The following HOOK1 variants were observed in gnomAD, a reference collection of about 807,000 sequenced individuals.
The protein encoded by HOOK1 is protein Hook homolog 1.
In HOOK1, 60 loss-of-function variants were observed where a neutral mutation model predicts 112.8. The observed-to-expected ratio is 0.53, with a 90% CI of 0.43 to 0.66. The LOEUF is 0.66. Ranked by LOEUF, HOOK1 falls within the 30% of genes least tolerant of loss-of-function variation. HOOK1 has a pLI of 0.00. For missense variants in HOOK1, 770 were observed against 856.0 expected (o/e 0.90, Z 1.25); for synonymous variants, 294 against 283.8 (o/e 1.04, Z -0.36).
chr1:59,843,466 T>C lies in HOOK1; in HGVS notation c.656T>C (p.Val219Ala). ...TTLQDEKNSL[V>A]SENEMMNEKL... is the part of the protein sequence containing the mutation. ...CTTCAAGATGAAAAGAATTCACTGG[T>C]TTCTGAAAATGAGATGATGAATGAA... Residue 219 changes from valine (V) to alanine (A), a missense_variant, in exon 9 of 22, where the codon GTT (valine) becomes GCT (alanine). This residue lies in a region of HOOK1 where 655 missense variants were observed against 725.9 expected (regional missense o/e 0.90). Coordinates refer to ENST00000371208, the MANE Select transcript of HOOK1 (RefSeq NM_015888.6). 1 of 1,611,002 alleles carries C rather than the reference T, an allele frequency of 6.2e-7. No individual in the cohort carries two copies.
In HOOK1 at chr1:59,821,907, C is replaced by T. The variant is rs768395747; in HGVS notation, c.113C>T (p.Thr38Ile). 6 of 1,610,788 alleles carry T rather than the reference C, an allele frequency of 3.7e-6. No homozygotes were observed. ...CCTTGTCAAGATGTCAAACAGCTGA[C>T]TAGTGGAGTTGCCATGGCACAAGTT... ...ASPCQDVKQL[T>I]SGVAMAQVLH... The change falls in exon 2 of 22, where the codon ACT becomes ATT. Residue 38 changes from threonine to isoleucine, a missense_variant. Thr to Ile is a moderately conservative substitution (Grantham distance 89). Around this residue, in one of 3 missense-constraint regions of HOOK1, gnomAD observed 655 missense variants for 725.9 expected, o/e 0.90. Coordinates refer to ENST00000371208, the MANE Select transcript of HOOK1 (RefSeq NM_015888.6).
chr1:59,833,607 A>G (rs929971315), intron 5 of HOOK1, 70 bp downstream of exon 5: 82 of 1,264,962 alleles, frequency 6.5e-5, no homozygotes, highest in Non-Finnish European at 8.0e-5. Context: ...ATAAGCTAGC[A>G]TTAAATCATA....
At chr1:59,856,801 G>A (rs1175191803) in intron 12 of HOOK1, among the ~76,000 whole-genome samples, 1 of 152,102 alleles carries the variant, frequency 6.6e-6, no homozygotes, top group African/African-American at 2.4e-5. Flanking sequence ...CACCTTCAGT[G>A]CTTAGGCAGT....
intron 20 of HOOK1, among the ~76,000 whole-genome samples, chr1:59,868,555 G>A (rs564123064): frequency 6.6e-6 from 1 of 152,342 alleles, no homozygotes; most frequent in East Asian, 1.9e-4. Flanking sequence ...TTTATATGCA[G>A]CGTTGTAGTT....
intron 3 of HOOK1, 37 bp downstream of exon 3, chr1:59,828,889 C>T (rs1294747109): frequency 6.6e-7 from 1 of 1,508,558 alleles, no homozygotes; most frequent in African/African-American, 1.4e-5. Flanking sequence ...TTGATCCAAA[C>T]AGTGGTCCTA....
At chr1:59,862,380 G>A (rs1349663386) in intron 15 of HOOK1, among the ~76,000 whole-genome samples, 1 of 152,064 alleles carries the variant, frequency 6.6e-6, no homozygotes, top group Non-Finnish European at 1.5e-5. Flanking sequence ...GAAATGATTG[G>A]AAAATGGTGA....
chr1:59,847,152 C>T lies in HOOK1; in HGVS notation c.896C>T (p.Thr299Ile), dbSNP rs201997907. ...NDELTSLAEE[T>I]RALKDEIDVL... Reference sequence around the variant, plus strand: ...GAATTGACTAGTCTTGCAGAAGAAACAAGAGCCCTGAAAGATGAAATAGAT... The same window carrying T: ...GAATTGACTAGTCTTGCAGAAGAAATAAGAGCCCTGAAAGATGAAATAGAT... Residue 299 changes from threonine (T) to isoleucine (I), a missense_variant, in exon 10 of 22, where the codon ACA becomes ATA. Physicochemically the swap from Thr to Ile is moderately conservative, Grantham distance 89. Transcript: ENST00000371208. 11 of 1,604,792 alleles carry T rather than the reference C, an allele frequency of 6.9e-6. No individual in the cohort carries two copies. The highest frequency in any genetic ancestry group is 8.5e-6 in the Non-Finnish European group (10 of 1,176,142).
At chr1:59,825,959 A>G (rs750282540) in intron 2 of HOOK1, among the ~76,000 whole-genome samples, 2 of 152,190 alleles carry the variant, frequency 1.3e-5, no homozygotes, top group Non-Finnish European at 2.9e-5. Context: ...TACTTTATAT[A>G]CAACTGTCCA....
At position 59,851,046 on chromosome 1, in the gene HOOK1, ACCACACTCATATATTGATTAT is replaced by A. The variant is rs576042501; in HGVS notation, c.1242+1864_1242+1884del. Among the ~76,000 whole-genome samples the A allele has an allele frequency of 2.9e-4, 44 of 151,740 alleles. No homozygotes were observed. The South Asian group carries it at 9.1e-3, about 31-fold the overall frequency. Reference sequence around the variant, plus strand: ...GTTGTATGTCTAATCTTATGCTAGTACCACACTCATATATTGATTATTGATTACTGTAGTTTTGTAGTTAAG... The same window carrying A: ...GTTGTATGTCTAATCTTATGCTAGTATGATTACTGTAGTTTTGTAGTTAAG... On this transcript the variant is annotated intron_variant, in intron 12 of 21. Coordinates refer to ENST00000371208, the MANE Select transcript of HOOK1 (RefSeq NM_015888.6).
Position 59,843,527 on chromosome 1 carries a change from A to C in HOOK1, c.717A>C (p.Pro239=). The C allele has an allele frequency of 6.2e-7, 1 of 1,610,900 alleles. No individual in the cohort carries two copies. Among genetic ancestry groups the C allele is most frequent in the Non-Finnish European group, 8.5e-7 (1 of 1,178,234 alleles). Residue 239 remains proline, a synonymous_variant, in exon 9 of 22, where the codon CCA becomes CCC. Coordinates refer to ENST00000371208, the MANE Select transcript of HOOK1 (RefSeq NM_015888.6). ...LDQLDGSFDD[P]NTVVAKKYFH... ...AGTTGGATGGCTCTTTTGATGATCC[A>C]AACACAGTGGTTGCAAAAAAGTATT...
intron 15 of HOOK1, among the ~76,000 whole-genome samples, chr1:59,861,351 C>G (rs1166467544): frequency 2.6e-5 from 4 of 152,162 alleles, no homozygotes; most frequent in East Asian, 3.9e-4. Flanking sequence ...AATTTAAATC[C>G]CACTTCTAAT....
At chr1:59,830,622 A>G (rs2098393208) in intron 3 of HOOK1, among the ~76,000 whole-genome samples, 1 of 152,050 alleles carries the variant, frequency 6.6e-6, no homozygotes, top group Admixed American at 6.5e-5. Context: ...TGGGTCTTAC[A>G]TTTTTATCCA....
chr1:59,861,405 T>G (rs2098413541), intron 15 of HOOK1, among the ~76,000 whole-genome samples: 1 of 152,212 alleles, frequency 6.6e-6, no homozygotes, highest in Admixed American at 6.6e-5. Context: ...AAACTTACAC[T>G]CAGTGTCTTC....
chr1:59,818,740 T>C (rs954557617), intron 1 of HOOK1, among the ~76,000 whole-genome samples: 6 of 152,188 alleles, frequency 3.9e-5, no homozygotes, highest in Non-Finnish European at 5.9e-5. Flanking sequence ...TGCCTAAATT[T>C]AGAAAATTAT....
intron 7 of HOOK1, among the ~76,000 whole-genome samples, chr1:59,839,734 G>C (rs2098399961): frequency 3.3e-5 from 5 of 152,296 alleles, no homozygotes; most frequent in African/African-American, 9.6e-5. Context: ...ATGTTGAATA[G>C]GAGCGGTGAG....
In HOOK1 at chr1:59,824,293, C is replaced by T. The variant is rs570671463; in HGVS notation, c.149+2350C>T. Among the ~76,000 whole-genome samples, 278 of 152,068 alleles carry T rather than the reference C, an allele frequency of 1.8e-3. 1 individual carries two copies. The highest frequency in any genetic ancestry group is 3.9e-3 in the Admixed American group (59 of 15,284). ...TACAATCACGGCCCACTGCAACCTC[C>T]GCCTACCGGGTTCAAGTGATTCTCC... On this transcript the variant is annotated intron_variant, in intron 2 of 21. Coordinates refer to ENST00000371208, the MANE Select transcript of HOOK1 (RefSeq NM_015888.6).
intron 2 of HOOK1, among the ~76,000 whole-genome samples, chr1:59,822,465 A>G (rs1021810083): frequency 5.9e-5 from 9 of 152,226 alleles, no homozygotes; most frequent in Admixed American, 5.9e-4. Flanking sequence ...ATTTGAAGTC[A>G]CAGGTACTGG....
At chr1:59,818,000 T>G (rs1200004638) in intron 1 of HOOK1, among the ~76,000 whole-genome samples, 1 of 152,240 alleles carries the variant, frequency 6.6e-6, no homozygotes, top group Non-Finnish European at 1.5e-5. Flanking sequence ...CCTCAGAGAC[T>G]AGTGTTTCAC....
chr1:59,820,095 C>A (rs1168316034), intron 1 of HOOK1, among the ~76,000 whole-genome samples: 1 of 152,186 alleles, frequency 6.6e-6, no homozygotes, highest in Non-Finnish European at 1.5e-5. Flanking sequence ...AGTGATTTTT[C>A]ATCACCCAGA....
Sources: gnomAD v4.1 joint callset for allele counts (sites outside exome capture counted in the v4.1 genomes callset) on GRCh38, gnomAD v4.1.1 for gene constraint, gnomAD v4.1.1 regional missense constraint, MANE v1.5 for transcripts, NCBI Gene and HGNC (gene_info 2026-07-23, HGNC 2026-07-21) for gene names.